CASR: variants seen among roughly 807,000 people sequenced by gnomAD.
CASR encodes the protein calcium sensing receptor, also known as extracellular calcium-sensing receptor.
In CASR, 23 loss-of-function variants were observed where a neutral mutation model predicts 69.1. The observed-to-expected ratio is 0.33, with a 90% CI of 0.24 to 0.47. The LOEUF (loss-of-function observed/expected upper bound fraction) is 0.47, where lower values mean the gene tolerates loss of function less well. CASR is among the 20% of genes least tolerant of loss of function. CASR has a pLI of 1.00. For synonymous variants in CASR, 541 were observed against 544.7 expected, an observed-to-expected ratio of 0.99 and a Z score of 0.10; for missense variants, 924 against 1,356.1, an observed-to-expected ratio of 0.68 and a Z score of 5.00.
At chr3:122,203,607 G>C (rs114301858) in intron 1 of CASR, among the ~76,000 whole-genome samples, 1 of 152,354 alleles carries the variant, frequency 6.6e-6, no homozygotes, top group South Asian at 2.1e-4. Context: ...TACTTACCAT[G>C]AATGGGACTT....
intron 1 of CASR, among the ~76,000 whole-genome samples, chr3:122,253,522 C>T (rs1576851646): frequency 2.0e-5 from 3 of 152,326 alleles, no homozygotes; most frequent in East Asian, 1.9e-4. Flanking sequence ...GGATTACAGG[C>T]GTGAGCCATT....
chr3:122,283,011 A>G (rs952934769), intron 6 of CASR, among the ~76,000 whole-genome samples: 2 of 152,232 alleles, frequency 1.3e-5, no homozygotes, highest in Non-Finnish European at 2.9e-5. Flanking sequence ...GAGACTTAGT[A>G]AACAGTTGTC....
rs1057328387 is a variant in CASR, at chr3:122,227,782, C to A, written c.-242-26166C>A. 1.9e-4 allele frequency among the ~76,000 whole-genome samples: 29 copies of A among 152,140 alleles called. 1 individual carries two copies. Among genetic ancestry groups the A allele is most frequent in the Admixed American group, 1.9e-3 (29 of 15,276 alleles). ...TGAAAGCTGCCTATAGTATACTATG[C>A]TCACTACCTGGGTGACAAGATCATT... On this transcript the variant is annotated intron_variant, in intron 1 of 6. Coordinates refer to ENST00000639785, the MANE Select transcript of CASR (RefSeq NM_000388.4).
At chr3:122,204,595 G>A (rs968514780) in intron 1 of CASR, among the ~76,000 whole-genome samples, 3 of 152,098 alleles carry the variant, frequency 2.0e-5, no homozygotes, top group Non-Finnish European at 4.4e-5. Flanking sequence ...CTGTCCAGTA[G>A]TGGAATTGTT....
intron 4 of CASR, among the ~76,000 whole-genome samples, chr3:122,265,197 A>G (rs17197636): frequency 0.076 from 11,609 of 152,298 alleles, 607 homozygotes; most frequent in Middle Eastern, 0.16. Context: ...TGATGTTTAT[A>G]TACCCAGCTT....
At chr3:122,244,230 C>T (rs185637636) in intron 1 of CASR, among the ~76,000 whole-genome samples, 1 of 151,710 alleles carries the variant, frequency 6.6e-6, no homozygotes, top group South Asian at 2.1e-4. Context: ...GGATGGATAC[C>T]CCATTTACCA....
chr3:122,274,175 T>C (rs1450427536), intron 4 of CASR, among the ~76,000 whole-genome samples: 1 of 152,198 alleles, frequency 6.6e-6, no homozygotes. Flanking sequence ...ATCCCTCTCC[T>C]TCATAGACCT....
chr3:122,277,888 GAA>G (rs1365830428), intron 5 of CASR, among the ~76,000 whole-genome samples: 1 of 152,134 alleles, frequency 6.6e-6, no homozygotes, highest in Non-Finnish European at 1.5e-5. Context: ...ATAACACAGG[GAA>G]TTCTCATTAA....
At chr3:122,215,346 G>A (rs1202521424) in intron 1 of CASR, among the ~76,000 whole-genome samples, 1 of 152,230 alleles carries the variant, frequency 6.6e-6, no homozygotes, top group African/African-American at 2.4e-5. Flanking sequence ...GAGATTCTTA[G>A]GGAGTTGAGT....
chr3:122,223,357 C>T (rs1277025519), intron 1 of CASR, among the ~76,000 whole-genome samples: 1 of 152,098 alleles, frequency 6.6e-6, no homozygotes, highest in Non-Finnish European at 1.5e-5. Context: ...TTGGAAATGA[C>T]AAAAGTGACA....
chr3:122,264,872 A>T (rs1448156243), intron 4 of CASR, among the ~76,000 whole-genome samples: 1 of 152,238 alleles, frequency 6.6e-6, no homozygotes, highest in Middle Eastern at 3.2e-3. Context: ...TTCATTCTCA[A>T]TATTAAGATC....
chr3:122,207,360 A>G (rs2074017606), intron 1 of CASR, among the ~76,000 whole-genome samples: 1 of 152,182 alleles, frequency 6.6e-6, no homozygotes, highest in African/African-American at 2.4e-5. Flanking sequence ...CAACTGCTGT[A>G]GAATACACAT....
chr3:122,213,311 A>C (rs866020283), intron 1 of CASR, among the ~76,000 whole-genome samples: 1 of 152,130 alleles, frequency 6.6e-6, no homozygotes, highest in Admixed American at 6.6e-5. Context: ...TCCTTACATC[A>C]CATCAAAATC....
chr3:122,273,381 T>C (rs2074780545), intron 4 of CASR, among the ~76,000 whole-genome samples: 1 of 152,238 alleles, frequency 6.6e-6, no homozygotes, highest in Admixed American at 6.5e-5. Flanking sequence ...CTAATAGTTC[T>C]AATCCATAGA....
rs147200584 is a variant in CASR, at chr3:122,238,804, A to G, written c.-242-15144A>G. Reference sequence around the variant, plus strand: ...CATTCCAGGCCCTAGTTCCTTGACAACATTTCTAGACATGCCCTGGGCCAG... The same window carrying G: ...CATTCCAGGCCCTAGTTCCTTGACAGCATTTCTAGACATGCCCTGGGCCAG... On this transcript the variant is annotated intron_variant, in intron 1 of 6. Transcript: ENST00000639785. Among the ~76,000 whole-genome samples the G allele has an allele frequency of 2.0e-4, 31 of 152,350 alleles. 1 individual carries two copies. The East Asian group carries it at 5.6e-3, about 27-fold the overall frequency.
At chr3:122,273,395 G>A (rs1181996368) in intron 4 of CASR, among the ~76,000 whole-genome samples, 2 of 152,176 alleles carry the variant, frequency 1.3e-5, no homozygotes, top group Admixed American at 6.5e-5. Context: ...CCATAGAGGT[G>A]TTGTGAGGAT....
intron 1 of CASR, among the ~76,000 whole-genome samples, chr3:122,216,092 A>C: frequency 6.6e-6 from 1 of 152,230 alleles, no homozygotes; most frequent in Non-Finnish European, 1.5e-5. Flanking sequence ...CAAATGATTA[A>C]GCCCTATACA....
intron 1 of CASR, among the ~76,000 whole-genome samples, chr3:122,225,090 AT>A (rs1209842710): frequency 1.3e-5 from 2 of 152,190 alleles, no homozygotes; most frequent in African/African-American, 4.8e-5. Context: ...AGACTTAAAT[AT>A]AAGACCTAAA....
At chr3:122,283,560 T>G in intron 6 of CASR, 127 bp from the exon 7 acceptor site, 3 of 751,864 alleles carry the variant, frequency 4.0e-6, no homozygotes, top group Non-Finnish European at 7.1e-6. Flanking sequence ...CAGAATGATT[T>G]CATCAAAATG....
Sources: allele counts gnomAD v4.1 joint callset (sites outside exome capture counted in the v4.1 genomes callset), GRCh38; gene constraint gnomAD v4.1.1; transcripts MANE v1.5; gene names NCBI Gene and HGNC (gene_info 2026-07-23, HGNC 2026-07-21).